ST6GALNAC3: variants seen among roughly 807,000 people sequenced by gnomAD.
ST6GALNAC3 encodes the protein ST6 N-acetylgalactosaminide alpha-2,6-sialyltransferase 3.
In ST6GALNAC3, 25 loss-of-function variants were observed where a neutral mutation model predicts 32.7. That is an observed-to-expected ratio of 0.76 (90% CI 0.56 to 1.07). The LOEUF (loss-of-function observed/expected upper bound fraction) is 1.07, where lower values mean the gene tolerates loss of function less well. Ranked by LOEUF, ST6GALNAC3 falls within the 50% of genes least tolerant of loss-of-function variation. The pLI is 0.00. For missense variants in ST6GALNAC3, 355 were observed against 382.4 expected (o/e 0.93, Z 0.60); for synonymous variants, 129 against 133.1 (o/e 0.97, Z 0.21).
intron 1 of ST6GALNAC3, among the ~76,000 whole-genome samples, chr1:76,225,293 A>T (rs770196728): frequency 8.5e-5 from 13 of 152,308 alleles, no homozygotes; most frequent in Non-Finnish European, 1.3e-4. Context: ...CCATTTCTAT[A>T]TATAGATGCA....
chr1:76,423,329 G>T (rs541528516), intron 3 of ST6GALNAC3, among the ~76,000 whole-genome samples: 1 of 152,048 alleles, frequency 6.6e-6, no homozygotes, highest in Non-Finnish European at 1.5e-5. Context: ...GATAACTAGG[G>T]CCATTTCCTT....
chr1:76,624,851 T>C (rs190333597), intron 3 of ST6GALNAC3, among the ~76,000 whole-genome samples: 28 of 152,052 alleles, frequency 1.8e-4, no homozygotes, highest in Non-Finnish European at 2.9e-5. Context: ...ATATACCCCA[T>C]ACATTTAGTG....
chr1:76,263,945 A>T (rs1658389737), intron 1 of ST6GALNAC3, among the ~76,000 whole-genome samples: 1 of 152,160 alleles, frequency 6.6e-6, no homozygotes, highest in Non-Finnish European at 1.5e-5. Context: ...CACTGGATGG[A>T]CAAATCATAT....
intron 2 of ST6GALNAC3, among the ~76,000 whole-genome samples, chr1:76,406,984 A>C (rs1007358688): frequency 6.6e-6 from 1 of 152,074 alleles, no homozygotes; most frequent in Non-Finnish European, 1.5e-5. Context: ...TGTGTATATC[A>C]AAAATTCTAC....
At chr1:76,551,474 G>A (rs1180270922) in intron 3 of ST6GALNAC3, among the ~76,000 whole-genome samples, 1 of 152,106 alleles carries the variant, frequency 6.6e-6, no homozygotes, top group Non-Finnish European at 1.5e-5. Flanking sequence ...TTGTGAATAA[G>A]ATTTTTTTCA....
chr1:76,160,709 A>G (rs1217558608), intron 1 of ST6GALNAC3, among the ~76,000 whole-genome samples: 2 of 151,854 alleles, frequency 1.3e-5, no homozygotes, highest in Non-Finnish European at 2.9e-5. Flanking sequence ...ATCTTGGTGC[A>G]CACACACACA....
At chr1:76,523,658 T>C (rs1287917126) in intron 3 of ST6GALNAC3, among the ~76,000 whole-genome samples, 2 of 152,188 alleles carry the variant, frequency 1.3e-5, no homozygotes, top group Non-Finnish European at 2.9e-5. Context: ...CACTAGCTCA[T>C]TCATCCTAGC....
intron 3 of ST6GALNAC3, among the ~76,000 whole-genome samples, chr1:76,543,108 A>G (rs1034517704): frequency 1.3e-5 from 2 of 152,218 alleles, no homozygotes; most frequent in African/African-American, 4.8e-5. Flanking sequence ...TTGAGTTTTT[A>G]ATTACAACAC....
At chr1:76,162,877 GGACAAAGAGGAGGT>G (rs1157094089) in intron 1 of ST6GALNAC3, among the ~76,000 whole-genome samples, 1 of 152,188 alleles carries the variant, frequency 6.6e-6, no homozygotes, top group Non-Finnish European at 1.5e-5. Flanking sequence ...TTGACGTGAA[GGACAAAGAGGAGGT>G]GACCAGGCCC....
intron 1 of ST6GALNAC3, among the ~76,000 whole-genome samples, chr1:76,226,953 T>C (rs1298326561): frequency 6.6e-6 from 1 of 152,140 alleles, no homozygotes; most frequent in African/African-American, 2.4e-5. Flanking sequence ...AATTTCAGTT[T>C]CTAGGATGGG....
At chr1:76,453,040 C>T (rs1657520947) in intron 3 of ST6GALNAC3, among the ~76,000 whole-genome samples, 1 of 152,096 alleles carries the variant, frequency 6.6e-6, no homozygotes, top group South Asian at 2.1e-4. Flanking sequence ...TTATCCATCT[C>T]CTCTAGGTTT....
intron 1 of ST6GALNAC3, among the ~76,000 whole-genome samples, chr1:76,222,439 A>C (rs1655825788): frequency 1.3e-5 from 2 of 152,196 alleles, no homozygotes; most frequent in South Asian, 4.1e-4. Context: ...ACAGCAAAAG[A>C]AACTATCAAC....
chr1:76,399,040 T>C (rs1173890919), intron 2 of ST6GALNAC3, among the ~76,000 whole-genome samples: 1 of 152,198 alleles, frequency 6.6e-6, no homozygotes, highest in Non-Finnish European at 1.5e-5. Flanking sequence ...AATAATTGCA[T>C]CTTATGCCAA....
chr1:76,553,677 T>G (rs1553138811), intron 3 of ST6GALNAC3, among the ~76,000 whole-genome samples: 2 of 73,924 alleles, frequency 2.7e-5, no homozygotes, highest in African/African-American at 6.9e-5. Context: ...TTTCTCTCTA[T>G]TTTTACTCGT....
intron 3 of ST6GALNAC3, among the ~76,000 whole-genome samples, chr1:76,432,797 T>G (rs371565667): frequency 4.6e-5 from 7 of 152,264 alleles, no homozygotes; most frequent in African/African-American, 1.7e-4. Context: ...ACTTACCTTT[T>G]GGGAGTTATA....
At chr1:76,558,164 A>G (rs1467490846) in intron 3 of ST6GALNAC3, among the ~76,000 whole-genome samples, 1 of 152,232 alleles carries the variant, frequency 6.6e-6, no homozygotes, top group Non-Finnish European at 1.5e-5. Context: ...TAGTTCAGCC[A>G]CTGTGGAAAG....
At chr1:76,626,619 T>A (rs962528708) in intron 3 of ST6GALNAC3, among the ~76,000 whole-genome samples, 3 of 151,896 alleles carry the variant, frequency 2.0e-5, no homozygotes. Context: ...CCCTTCCCTC[T>A]TCCTGAAATA....
chr1:76,372,790 A>G (rs1457812268), intron 2 of ST6GALNAC3, among the ~76,000 whole-genome samples: 3 of 152,128 alleles, frequency 2.0e-5, no homozygotes, highest in Admixed American at 6.5e-5. Flanking sequence ...TGGGAATAGT[A>G]TCAAATGGGA....
At chr1:76,151,779 C>G (rs1461808761) in intron 1 of ST6GALNAC3, among the ~76,000 whole-genome samples, 1 of 152,074 alleles carries the variant, frequency 6.6e-6, no homozygotes, top group Non-Finnish European at 1.5e-5. Flanking sequence ...GGTGGGGCAT[C>G]GATTGCTTTG....
Sources: gnomAD v4.1 joint callset for allele counts (sites outside exome capture counted in the v4.1 genomes callset) on GRCh38, gnomAD v4.1.1 for gene constraint, MANE v1.5 for transcripts, NCBI Gene and HGNC (gene_info 2026-07-23, HGNC 2026-07-21) for gene names.